The following MMP24 variants were observed in gnomAD, a reference collection of about 807,000 sequenced individuals.
The protein encoded by MMP24 is matrix metalloproteinase-24.
A neutral mutation model predicts 62.8 loss-of-function variants in MMP24; 25 were observed. The ratio of observed to expected loss-of-function variants is 0.40; its 90% confidence interval spans 0.29 to 0.56. The LOEUF (loss-of-function observed/expected upper bound fraction) is 0.56, where lower values mean the gene tolerates loss of function less well. Ranked by LOEUF, MMP24 falls within the 20% of genes least tolerant of loss-of-function variation. The probability of loss-of-function intolerance (pLI) is 0.50; values close to 1 mark genes in which losing one functional copy is unlikely to be tolerated. For missense variants in MMP24, 634 were observed against 853.6 expected, an observed-to-expected ratio of 0.74 and a Z score of 3.21; for synonymous variants, 319 against 350.5, an observed-to-expected ratio of 0.91 and a Z score of 1.00.
intron 1 of MMP24, among the ~76,000 whole-genome samples, chr20:35,239,994 G>A (rs541859600): frequency 1.5e-4 from 23 of 152,236 alleles, no homozygotes; most frequent in African/African-American, 5.5e-4. Flanking sequence ...AGGAGTGTGA[G>A]GTATAGGAAG....
intron 1 of MMP24, among the ~76,000 whole-genome samples, chr20:35,229,166 C>G (rs1182570999): frequency 3.3e-5 from 5 of 152,206 alleles, no homozygotes; most frequent in Non-Finnish European, 7.4e-5. Context: ...GCATTGCACT[C>G]AGTAACTTCC....
Position 35,239,773 on chromosome 20 carries a change from G to A in MMP24, c.247-7067G>A, listed in dbSNP as rs185162204. Among the ~76,000 whole-genome samples the A allele has an allele frequency of 1.1e-4, 17 of 152,304 alleles. No homozygotes were observed. The East Asian group carries it at 3.1e-3, about 28-fold the overall frequency. ...GCCCAGAAGTTCAAGGCTGCAGTGA[G>A]CCATGGCTGAGAGCGAGACCCTGTC... On this transcript the variant is annotated intron_variant, in intron 1 of 8. Coordinates refer to ENST00000246186, the MANE Select transcript of MMP24 (RefSeq NM_006690.4).
At position 35,271,930 on chromosome 20, in the gene MMP24, G is replaced by A. The variant is rs1457564849; in HGVS notation, c.1600+95G>A. The A allele has an allele frequency of 7.2e-6, 10 of 1,392,598 alleles. No individual in the cohort carries two copies. Among genetic ancestry groups the A allele is most frequent in the Non-Finnish European group, 9.5e-7 (1 of 1,054,190 alleles). 86.3% of individuals were successfully genotyped at this position (1,392,598 alleles called of 1,614,324 possible). On this transcript the variant is annotated intron_variant, in intron 8 of 8. Transcript: ENST00000246186. The surrounding 1 kb of genome is among the most constrained non-coding windows in gnomAD (Gnocchi z 4.0). ...CATACTCAGTGCCCATGGGCGTCCA[G>A]GTTTGAAAAAACACCTGGTGGCAGA...
chr20:35,237,317 T>C (rs1295124405), intron 1 of MMP24, among the ~76,000 whole-genome samples: 1 of 152,308 alleles, frequency 6.6e-6, no homozygotes, highest in East Asian at 1.9e-4. Context: ...CCTTTTCCAG[T>C]GTCTAGAGAA....
intron 4 of MMP24, chr20:35,262,803 T>G (rs574681294): frequency 2.9e-5 from 4 of 138,758 alleles, no homozygotes; most frequent in East Asian, 2.0e-4. Context: ...CTTCCGCAGT[T>G]TTTGTGTCCC....
chr20:35,233,155 T>C lies in MMP24; in HGVS notation c.246+6171T>C, dbSNP rs563670910. On this transcript the variant is annotated intron_variant, in intron 1 of 8. Coordinates refer to ENST00000246186, the MANE Select transcript of MMP24 (RefSeq NM_006690.4). ...AGTCAGGAGTTGTTCTTTACTCCTT[T>C]CTCTCTTTATACATATGTATGTATA... Among the ~76,000 whole-genome samples the C allele has an allele frequency of 5.9e-5, 9 of 152,292 alleles. No individual in the cohort carries two copies. The South Asian group carries it at 1.9e-3, about 32-fold the overall frequency.
At chr20:35,227,506 T>TG (rs2060419949) in intron 1 of MMP24, among the ~76,000 whole-genome samples, 1 of 150,554 alleles carries the variant, frequency 6.6e-6, no homozygotes, top group Non-Finnish European at 1.5e-5. Context: ...CCAGCGGGAG[T>TG]GGGGGTTGCA....
intron 1 of MMP24, among the ~76,000 whole-genome samples, chr20:35,234,431 A>G (rs1474656163): frequency 6.6e-6 from 1 of 152,220 alleles, no homozygotes; most frequent in Non-Finnish European, 1.5e-5. Flanking sequence ...AGGCATGTAA[A>G]CCATTATTTA....
intron 6 of MMP24, among the ~76,000 whole-genome samples, chr20:35,268,906 A>G (rs1298295467): frequency 2.0e-5 from 3 of 152,166 alleles, no homozygotes; most frequent in South Asian, 2.1e-4. Flanking sequence ...GGGCGCCTGT[A>G]GTCCCAGCTA....
At chr20:35,251,417 G>GCA (rs2060546401) in intron 2 of MMP24, among the ~76,000 whole-genome samples, 1 of 152,168 alleles carries the variant, frequency 6.6e-6, no homozygotes, top group Non-Finnish European at 1.5e-5. Context: ...GAGCCACCGT[G>GCA]CCCAGCTGAA....
At chr20:35,264,221 A>C in intron 5 of MMP24, 4 of 271,020 alleles carry the variant, frequency 1.5e-5, no homozygotes, top group Non-Finnish European at 2.8e-5. Flanking sequence ...CCTCTCCTTT[A>C]CCCCTCCCCT....
chr20:35,274,108 C>A lies in MMP24; in HGVS notation c.1601-164C>A, dbSNP rs2060689023. Among the ~76,000 whole-genome samples, 1 of 152,186 alleles carries A rather than the reference C, an allele frequency of 6.6e-6. No individual in the cohort carries two copies. ...CACTCCAGGTCCCGGGTGCCCCCCT[C>A]TGCAGCTTCTTACTCCATGACTCAG... On this transcript the variant is annotated intron_variant, in intron 8 of 8. Coordinates refer to ENST00000246186, the MANE Select transcript of MMP24 (RefSeq NM_006690.4). This position sits in a 1 kb window ranked among gnomAD's most constrained non-coding sequence, Gnocchi z 5.1.
intron 1 of MMP24, among the ~76,000 whole-genome samples, chr20:35,242,773 A>G (rs977234875): frequency 3.9e-5 from 6 of 152,198 alleles, no homozygotes; most frequent in African/African-American, 1.4e-4. Context: ...AAGTCACCCA[A>G]GAGAAAGAAG....
chr20:35,270,318 G>T (rs2060662122), intron 7 of MMP24, among the ~76,000 whole-genome samples: 1 of 152,254 alleles, frequency 6.6e-6, no homozygotes, highest in Admixed American at 6.5e-5. Context: ...CCAGACCTCA[G>T]ATGGGTGAGA....
Position 35,274,644 on chromosome 20 carries a change from C to T in MMP24, c.*35C>T. The stretch of plus-strand genomic sequence containing the variant: ...AGCCCTCTCTATCCACTTGGTCTGG[C>T]CAGCCAGGCCCTTCCTCACCAGGGT... On this transcript the variant is annotated 3_prime_UTR_variant, in exon 9 of 9. Transcript: ENST00000246186. This position sits in a 1 kb window ranked among gnomAD's most constrained non-coding sequence, Gnocchi z 5.1. The T allele has an allele frequency of 6.6e-7, 1 of 1,510,168 alleles. No individual in the cohort carries two copies. The highest frequency in any genetic ancestry group is 9.0e-7 in the Non-Finnish European group (1 of 1,117,018). The allele number at this position is 1,510,168 out of a possible 1,614,324, so 93.5% of individuals were successfully genotyped here.
chr20:35,238,662 G>A (rs560806856), intron 1 of MMP24, among the ~76,000 whole-genome samples: 6 of 152,112 alleles, frequency 3.9e-5, no homozygotes, highest in Non-Finnish European at 5.9e-5. Flanking sequence ...CACACTTACT[G>A]TTCCCTCATC....
chr20:35,273,527 G>T (rs1482334333), intron 8 of MMP24, among the ~76,000 whole-genome samples: 1 of 152,194 alleles, frequency 6.6e-6, no homozygotes, highest in Non-Finnish European at 1.5e-5. Context: ...GCTGCTATTT[G>T]TTGGCTGTCT....
At chr20:35,247,387 T>A (rs1192103296) in intron 2 of MMP24, among the ~76,000 whole-genome samples, 2 of 152,168 alleles carry the variant, frequency 1.3e-5, no homozygotes, top group African/African-American at 4.8e-5. Flanking sequence ...TGGCTCCACT[T>A]TTTCCATTTA....
chr20:35,259,195 A>G (rs2060590356), intron 4 of MMP24, among the ~76,000 whole-genome samples: 1 of 152,194 alleles, frequency 6.6e-6, no homozygotes, highest in Non-Finnish European at 1.5e-5. Flanking sequence ...ATAAAAAAGA[A>G]AGAAAATACT....
Sources: gnomAD v4.1 joint callset for allele counts (sites outside exome capture counted in the v4.1 genomes callset) on GRCh38, gnomAD v4.1.1 for gene constraint, Gnocchi (gnomAD v3.1) non-coding constraint, MANE v1.5 for transcripts, NCBI Gene and HGNC (gene_info 2026-07-23, HGNC 2026-07-21) for gene names.